NTRK3: variants seen among roughly 807,000 people sequenced by gnomAD.
NTRK3 encodes the protein neurotrophic receptor tyrosine kinase 3.
A neutral mutation model predicts 91.7 loss-of-function variants in NTRK3; 24 were observed. The observed-to-expected ratio is 0.26, with a 90% CI of 0.19 to 0.37. The LOEUF (loss-of-function observed/expected upper bound fraction) is 0.37, where lower values mean the gene tolerates loss of function less well. Among genes scored for constraint, NTRK3 ranks in the 10% least tolerant of loss-of-function variants. The pLI is 1.00. For missense variants in NTRK3, 880 were observed against 1,068.9 expected (o/e 0.82, Z 2.46); for synonymous variants, 483 against 404.0 (o/e 1.20, Z -2.34).
intron 5 of NTRK3, 106 bp from the exon 6 acceptor site, chr15:88,147,509 C>A (rs1220530858): frequency 1.0e-4 from 12 of 116,050 alleles, no homozygotes; most frequent in African/African-American, 4.2e-4. Context: ...TGTTTTCCTT[C>A]TTCTTCTTCT....
intron 17 of NTRK3, among the ~76,000 whole-genome samples, chr15:87,892,246 A>C (rs527531103): frequency 1.3e-5 from 2 of 152,090 alleles, no homozygotes; most frequent in Non-Finnish European, 2.9e-5. Flanking sequence ...TGAATCTCTA[A>C]TGATTGGGGA....
At chr15:88,098,384 C>T in intron 13 of NTRK3, 1 of 181,124 alleles carries the variant, frequency 5.5e-6, no homozygotes, top group Admixed American at 6.3e-5. Flanking sequence ...ATGCCATCAG[C>T]TCCCAACATT....
At chr15:87,959,805 C>T (rs1329509358) in intron 14 of NTRK3, among the ~76,000 whole-genome samples, 1 of 152,186 alleles carries the variant, frequency 6.6e-6, no homozygotes, top group African/African-American at 2.4e-5. Flanking sequence ...CTCTGTGACT[C>T]TCTTCATGGG....
chr15:87,975,430 G>A (rs764556419), intron 14 of NTRK3, among the ~76,000 whole-genome samples: 6 of 152,112 alleles, frequency 3.9e-5, no homozygotes, highest in Non-Finnish European at 5.9e-5. Flanking sequence ...GCAAAATCCC[G>A]CAGGATCAAA....
chr15:88,001,839 G>A (rs546588017), intron 14 of NTRK3, among the ~76,000 whole-genome samples: 1 of 152,148 alleles, frequency 6.6e-6, no homozygotes, highest in South Asian at 2.1e-4. Context: ...TTTTCCTATA[G>A]GTTTTAGGAT....
At chr15:87,965,702 T>G (rs893159049) in intron 14 of NTRK3, among the ~76,000 whole-genome samples, 5 of 152,244 alleles carry the variant, frequency 3.3e-5, no homozygotes, top group African/African-American at 1.2e-4. Flanking sequence ...AAGTCTTAAC[T>G]GATCATTTTG....
intron 6 of NTRK3, among the ~76,000 whole-genome samples, chr15:88,142,101 G>A (rs2042438716): frequency 1.3e-5 from 2 of 152,214 alleles, no homozygotes; most frequent in African/African-American, 4.8e-5. Flanking sequence ...TTTATATCCG[G>A]ACAAGAGAGG....
chr15:88,222,555 G>A (rs148710873), intron 3 of NTRK3, among the ~76,000 whole-genome samples: 8 of 152,254 alleles, frequency 5.3e-5, no homozygotes, highest in Admixed American at 2.6e-4. Context: ...CACACAGAAC[G>A]CAGAACATTA....
At chr15:88,246,885 CT>C (rs2052880518) in intron 3 of NTRK3, among the ~76,000 whole-genome samples, 1 of 152,218 alleles carries the variant, frequency 6.6e-6, no homozygotes, top group African/African-American at 2.4e-5. Context: ...TCAGGAAATG[CT>C]CTGAAAGCCA....
At chr15:87,962,936 G>T (rs796075138) in intron 14 of NTRK3, among the ~76,000 whole-genome samples, 4 of 152,276 alleles carry the variant, frequency 2.6e-5, no homozygotes, top group African/African-American at 9.6e-5. Flanking sequence ...CTAAAATGTG[G>T]CAAGGCTCTG....
intron 14 of NTRK3, among the ~76,000 whole-genome samples, chr15:87,953,694 C>G (rs2071376269): frequency 6.6e-6 from 1 of 152,184 alleles, no homozygotes; most frequent in African/African-American, 2.4e-5. Context: ...CAAACACACT[C>G]AGGAGCCCCA....
chr15:88,064,236 T>C (rs2142537307), intron 13 of NTRK3, among the ~76,000 whole-genome samples: 1 of 152,350 alleles, frequency 6.6e-6, no homozygotes. Context: ...TGCTGATATC[T>C]TACTTTAAAC....
chr15:88,200,159 C>T (rs1282330409), intron 3 of NTRK3, among the ~76,000 whole-genome samples: 1 of 152,180 alleles, frequency 6.6e-6, no homozygotes, highest in Non-Finnish European at 1.5e-5. Flanking sequence ...CCTGCATTCA[C>T]CACAAAGAAG....
At chr15:87,875,939 C>G (rs918763951) in exon 19 of NTRK3, 1 of 232,036 alleles carries the variant, frequency 4.3e-6, no homozygotes, top group Non-Finnish European at 8.5e-6. Context: ...CGTGCTGTGT[C>G]TACATTCAAA....
chr15:88,048,009 G>A (rs1408081574), intron 13 of NTRK3, among the ~76,000 whole-genome samples: 1 of 152,162 alleles, frequency 6.6e-6, no homozygotes, highest in Non-Finnish European at 1.5e-5. Context: ...TCCCTTTGAG[G>A]CAGTCTATAG....
intron 13 of NTRK3, among the ~76,000 whole-genome samples, chr15:88,114,026 A>C (rs1233267392): frequency 1.3e-5 from 2 of 152,068 alleles, no homozygotes; most frequent in Admixed American, 6.5e-5. Flanking sequence ...CACCAACAAC[A>C]ACCACACACA....
intron 14 of NTRK3, chr15:87,978,075 T>C (rs1195854223): frequency 1.3e-5 from 3 of 232,206 alleles, no homozygotes; most frequent in East Asian, 1.2e-4. Context: ...CATGGGCCAG[T>C]GGAGCTGGGA....
chr15:88,002,745 T>C (rs995988220), intron 14 of NTRK3, among the ~76,000 whole-genome samples: 1 of 141,452 alleles, frequency 7.1e-6, no homozygotes, highest in Non-Finnish European at 1.5e-5. Context: ...TTCTTATGAA[T>C]CAAAATATCC....
At chr15:87,964,706 C>T (rs2072633531) in intron 14 of NTRK3, among the ~76,000 whole-genome samples, 1 of 152,150 alleles carries the variant, frequency 6.6e-6, no homozygotes, top group African/African-American at 2.4e-5. Context: ...CCGTATTTGC[C>T]TCTTCTTGAC....
Sources: gnomAD v4.1 joint callset for allele counts (sites outside exome capture counted in the v4.1 genomes callset) on GRCh38, gnomAD v4.1.1 for gene constraint, MANE v1.5 for transcripts, NCBI Gene and HGNC (gene_info 2026-07-23, HGNC 2026-07-21) for gene names.